The following NUP214 variants were observed in gnomAD, a reference collection of about 807,000 sequenced individuals.
The protein encoded by NUP214 is nuclear pore complex protein Nup214.
Under a neutral mutation model 196.2 loss-of-function variants are expected in NUP214, and 79 were observed. That is an observed-to-expected ratio of 0.40 (90% CI 0.34 to 0.49). NUP214 has a LOEUF of 0.49. Among genes scored for constraint, NUP214 ranks in the 20% least tolerant of loss-of-function variants. The pLI is 0.58. For synonymous variants in NUP214, 1,020 were observed against 990.5 expected, an observed-to-expected ratio of 1.03 and a Z score of -0.56; for missense variants, 2,468 against 2,539.0, an observed-to-expected ratio of 0.97 and a Z score of 0.60.
At chr9:131,145,859 T>G (rs1233986862) in intron 12 of NUP214, among the ~76,000 whole-genome samples, 1 of 152,202 alleles carries the variant, frequency 6.6e-6, no homozygotes, top group Non-Finnish European at 1.5e-5. Context: ...CATGATAAAC[T>G]TGGTATTTCA....
intron 12 of NUP214, among the ~76,000 whole-genome samples, chr9:131,145,589 C>A (rs1003109114): frequency 6.6e-6 from 1 of 152,202 alleles, no homozygotes. Flanking sequence ...TTTATCTGAC[C>A]AGTCATCTAA....
intron 30 of NUP214, among the ~76,000 whole-genome samples, chr9:131,214,423 AC>A (rs1834335733): frequency 6.6e-6 from 1 of 152,192 alleles, no homozygotes. Flanking sequence ...GATCCATAGC[AC>A]CGCTCTGCTC....
intron 16 of NUP214, 143 bp downstream of exon 16, chr9:131,150,908 A>G (rs1832238506): frequency 1.3e-6 from 1 of 758,882 alleles, no homozygotes; most frequent in East Asian, 2.6e-5. Context: ...GCTTGCCTAG[A>G]ATCCCTGAGT....
chr9:131,163,019 C>T lies in NUP214; in HGVS notation c.2569C>T (p.Leu857=). 1 of 1,614,140 alleles carries T rather than the reference C, an allele frequency of 6.2e-7. No individual in the cohort carries two copies. The highest frequency in any genetic ancestry group is 2.2e-5 in the East Asian group (1 of 44,884). Residue 857 remains leucine, a synonymous_variant, in exon 19 of 36, where the codon CTG becomes TTG. Transcript: ENST00000359428. The part of the protein sequence containing the change: ...RHLLVPERET[L]FNTLANNREI... Reference sequence around the variant, plus strand: ...CCTGCTTGTGCCAGAGCGAGAGACACTGTTTAACACCCTAGCCAACAATCG... The same window carrying T: ...CCTGCTTGTGCCAGAGCGAGAGACATTGTTTAACACCCTAGCCAACAATCG...
chr9:131,218,803 C>T (rs1323011678), intron 31 of NUP214, among the ~76,000 whole-genome samples: 7 of 152,112 alleles, frequency 4.6e-5, no homozygotes, highest in Admixed American at 4.6e-4. Flanking sequence ...GAATTCAGGG[C>T]CCTCCTTGAG....
intron 14 of NUP214, chr9:131,149,978 C>T (rs1467736560): frequency 6.0e-6 from 1 of 166,920 alleles, no homozygotes; most frequent in Non-Finnish European, 1.3e-5. Context: ...GCAGTGAGGG[C>T]TTTCTTGGCC....
chr9:131,144,144 A>G, intron 11 of NUP214, 136 bp from the exon 12 acceptor site: 2 of 699,622 alleles, frequency 2.9e-6, no homozygotes, highest in Non-Finnish European at 5.0e-6. Flanking sequence ...CTGTGTACCC[A>G]TGTGTTCTTT....
Position 131,195,225 on chromosome 9 carries a change from C to T in NUP214, c.3660-8C>T. On this transcript the variant is annotated splice_polypyrimidine_tract_variant and splice_region_variant and intron_variant, in intron 27 of 35. Transcript: ENST00000359428. ...TTCCTTTTTAATTTCTCTTTTTCCA[C>T]TTGTTAGGACTGGCTTTAATTTTGG... is the stretch of plus-strand genomic sequence containing the variant. 6.3e-7 allele frequency: 1 copy of T among 1,599,724 alleles called. No homozygotes were observed. The highest frequency in any genetic ancestry group is 1.3e-5 in the African/African-American group (1 of 74,344).
intron 3 of NUP214, 26 bp downstream of exon 3, chr9:131,128,509 C>T: frequency 6.3e-7 from 1 of 1,580,996 alleles, no homozygotes. Flanking sequence ...ACTGTGATGT[C>T]AACATGAGAA....
At chr9:131,190,098 G>A (rs1245035275) in intron 26 of NUP214, 1 of 233,264 alleles carries the variant, frequency 4.3e-6, no homozygotes, top group Non-Finnish European at 8.3e-6. Flanking sequence ...TATTGCATAA[G>A]CCAGAGTTGT....
intron 18 of NUP214, 52 bp from the exon 19 acceptor site, chr9:131,162,939 T>C (rs1243659887): frequency 5.1e-6 from 8 of 1,570,602 alleles, no homozygotes; most frequent in Non-Finnish European, 7.0e-6. Flanking sequence ...TACTGGGAGA[T>C]TCCTTTACTT....
At chr9:131,215,572 A>G (rs1398326762) in intron 31 of NUP214, among the ~76,000 whole-genome samples, 2 of 102,098 alleles carry the variant, frequency 2.0e-5, no homozygotes, top group Admixed American at 1.2e-4. Context: ...TCATGAAAAG[A>G]TATCAGAGCT....
chr9:131,126,716 T>G (rs1831365934), intron 1 of NUP214, among the ~76,000 whole-genome samples: 1 of 151,980 alleles, frequency 6.6e-6, no homozygotes, highest in Non-Finnish European at 1.5e-5. Context: ...CCCCACTAAT[T>G]TTTTATATCA....
rs1364541194 is a variant in NUP214 at position 131,232,003 on chromosome 9, A to G, written c.6215-281A>G. 6.6e-6 allele frequency among the ~76,000 whole-genome samples: 1 copy of G among 151,918 alleles called. No homozygotes were observed. The highest frequency in any genetic ancestry group is 1.5e-5 in the Non-Finnish European group (1 of 68,010). On this transcript the variant is annotated intron_variant, in intron 34 of 35. Transcript: ENST00000359428. The surrounding 1 kb of genome is among the most constrained non-coding windows in gnomAD (Gnocchi z 5.1). ...AGGCCAAGCCAGAGACCCTCTGCCT[A>G]CAGCTGGGGCCGAGGAGGGAGGAAG...
intron 17 of NUP214, chr9:131,153,387 A>G (rs1832331015): frequency 6.6e-6 from 1 of 152,122 alleles, no homozygotes; most frequent in African/African-American, 2.4e-5. Context: ...TCCTTCTTCA[A>G]GATAGATTGC....
rs374277324 is a variant in NUP214, at chr9:131,187,325, C to T, written c.3456C>T (p.His1152=). The part of the protein sequence containing the change: ...SVPYSTAKTP[H]PVLTPVAANQ... ...CCTACTCCACAGCCAAAACACCTCA[C>T]CCAGTGTTGACCCCAGTGGCTGCTA... The change falls in exon 25 of 36, where the codon CAC becomes CAT. Residue 1152 remains histidine (H), a synonymous_variant. Transcript: ENST00000359428. 2.5e-6 allele frequency: 4 copies of T among 1,613,820 alleles called. No homozygotes were observed. The highest frequency in any genetic ancestry group is 1.3e-5 in the African/African-American group (1 of 74,864).
At position 131,140,706 on chromosome 9, in the gene NUP214, A is replaced by G. The variant is rs748517745; in HGVS notation, c.1290A>G (p.Ser430=). 2 of 1,613,058 alleles carry G rather than the reference A, an allele frequency of 1.2e-6. No homozygotes were observed. The highest frequency in any genetic ancestry group is 3.3e-5 in the Admixed American group (2 of 59,786). Residue 430 remains serine (S), a synonymous_variant, in exon 11 of 36, where the codon TCA becomes TCG. Coordinates refer to ENST00000359428, the MANE Select transcript of NUP214 (RefSeq NM_005085.4). ...TAGAAGGAGAGCGACAGCCCAAGTCACCAGGTATGTGCCTCTGCCTGCTTT... is the reference window on the plus strand; with the variant it reads ...TAGAAGGAGAGCGACAGCCCAAGTCGCCAGGTATGTGCCTCTGCCTGCTTT... ...LSLEGERQPK[S]PGSTPTTPTS... is the part of the protein sequence containing the mutation.
In NUP214 at chr9:131,132,675, C is replaced by G; in HGVS notation, c.727+16C>G. The G allele has an allele frequency of 6.2e-7, 1 of 1,607,068 alleles. No homozygotes were observed. The highest frequency in any genetic ancestry group is 8.5e-7 in the Non-Finnish European group (1 of 1,173,586). ...CCTGTCAGAGGTAACAACTGCTTTT[C>G]TTATTGGGCTGACCTCTAATGACAT... On this transcript the variant is annotated intron_variant, in intron 6 of 35. Coordinates refer to ENST00000359428, the MANE Select transcript of NUP214 (RefSeq NM_005085.4).
rs779455418 is a variant in NUP214, at chr9:131,164,174, A to G, written c.2893+30A>G. The G allele has an allele frequency of 9.4e-6, 15 of 1,603,980 alleles. No individual in the cohort carries two copies. In the South Asian group the frequency reaches 1.3e-4, roughly 14 times the overall value. ...AGAGAACCAGTAACTGGGCCTGTAC[A>G]TAGTGATAGGGTGTGGTGGGGTGTG... is the stretch of plus-strand genomic sequence containing the variant. On this transcript the variant is annotated intron_variant, in intron 21 of 35. Transcript: ENST00000359428.
Sources: gnomAD v4.1 joint callset for allele counts (sites outside exome capture counted in the v4.1 genomes callset) on GRCh38, gnomAD v4.1.1 for gene constraint, Gnocchi (gnomAD v3.1) non-coding constraint, MANE v1.5 for transcripts, NCBI Gene and HGNC (gene_info 2026-07-23, HGNC 2026-07-21) for gene names.